AAAS: variants seen among roughly 807,000 people sequenced by gnomAD.
AAAS encodes the protein aladin.
A neutral mutation model predicts 75.6 loss-of-function variants in AAAS; 60 were observed. The ratio of observed to expected loss-of-function variants is 0.79; its 90% confidence interval spans 0.64 to 0.98. AAAS has a LOEUF of 0.98. Among genes scored for constraint, AAAS ranks in the 50% least tolerant of loss-of-function variants. The pLI is 0.00. For missense variants in AAAS, 658 were observed against 686.9 expected, an observed-to-expected ratio of 0.96 and a Z score of 0.47; for synonymous variants, 271 against 265.0, an observed-to-expected ratio of 1.02 and a Z score of -0.22.
In AAAS at chr12:53,308,984, C is replaced by T. The variant is rs1012756707; in HGVS notation, c.972G>A (p.Trp324Ter). 1.3e-5 allele frequency: 21 copies of T among 1,614,060 alleles called. No homozygotes were observed. The highest frequency in any genetic ancestry group is 1.7e-5 in the Non-Finnish European group (20 of 1,180,044). The change falls in exon 10 of 16, where the codon TGG becomes TGA. Residue 324 changes from tryptophan (W) to a stop codon, truncating the protein, a stop_gained. Transcript: ENST00000209873. LOFTEE classifies it high-confidence loss of function. ...CCTGACAGCGCCCTGATAGAGTAGG[C>T]CACCTCTCACAAGTCCACATCTGGG... is the stretch of plus-strand genomic sequence containing the variant. Reference protein sequence around the residue: ...WEAQMWTCERWPTLSGRCQTG... With the variant: ...WEAQMWTCER
At chr12:53,309,754 A>G (rs1217205677) in intron 7 of AAAS, 33 bp from the exon 8 acceptor site, 1 of 1,608,814 alleles carries the variant, frequency 6.2e-7, no homozygotes, top group Non-Finnish European at 8.5e-7. Flanking sequence ...TGGAGTCAGA[A>G]GATGACAAGA....
intron 7 of AAAS, among the ~76,000 whole-genome samples, chr12:53,313,157 T>C (rs1372202257): frequency 9.3e-4 from 4 of 4,318 alleles, no homozygotes; most frequent in African/African-American, 1.4e-3. Flanking sequence ...CGCCTGGCCT[T>C]TTTTTTTTTT....
chr12:53,307,716 G>A lies in AAAS; in HGVS notation c.1417-3C>T, dbSNP rs562815320. On this transcript the variant is annotated splice_region_variant and splice_polypyrimidine_tract_variant and intron_variant, in intron 15 of 15. Coordinates refer to ENST00000209873, the MANE Select transcript of AAAS (RefSeq NM_015665.6). ...GCAATTCGGCCTGTGGACCAGCCCTGCAGAGAAGGGAAAGAAAAGGATCAG... is the reference window on the plus strand; with the variant it reads ...GCAATTCGGCCTGTGGACCAGCCCTACAGAGAAGGGAAAGAAAAGGATCAG... The A allele has an allele frequency of 4.3e-6, 7 of 1,613,960 alleles. No homozygotes were observed. The highest frequency in any genetic ancestry group is 5.1e-6 in the Non-Finnish European group (6 of 1,180,036).
In AAAS at chr12:53,321,004, G is replaced by A. The variant is rs1446832415; in HGVS notation, c.124-312C>T. The A allele has an allele frequency of 1.7e-5, 9 of 529,584 alleles. No individual in the cohort carries two copies. In the East Asian group the frequency reaches 2.7e-4, roughly 16 times the overall value. The allele number at this position is 529,584 out of a possible 1,614,324, so 32.8% of individuals were successfully genotyped here. ...AGTTTCCCTTCCTTGTCCTTCCCAG[G>A]AACACCATGGAAAAAAGTTCCATGT... On this transcript the variant is annotated intron_variant, in intron 1 of 15. Coordinates refer to ENST00000209873, the MANE Select transcript of AAAS (RefSeq NM_015665.6).
In AAAS at chr12:53,315,422, A is replaced by C; in HGVS notation, c.312T>G (p.Phe104Leu). 1 of 1,612,924 alleles carries C rather than the reference A, an allele frequency of 6.2e-7. No homozygotes were observed. Among genetic ancestry groups the C allele is most frequent in the Non-Finnish European group, 8.5e-7 (1 of 1,179,814 alleles). The change falls in exon 4 of 16, where the codon TTT (phenylalanine) becomes TTG (leucine). Residue 104 changes from phenylalanine to leucine, a missense_variant. Phe to Leu is a conservative substitution (Grantham distance 22, BLOSUM62 0). Transcript: ENST00000209873. ...NEIANSEEEV[F>L]EWVKTASGWA... is the part of the protein sequence containing the mutation. ...AGCCGGATGCCGTCTTCACCCACTC[A>C]AACACTGTAGGGTTGAGGAAGCAGC...
chr12:53,315,575 G>A (rs1308775508), intron 3 of AAAS, 149 bp from the exon 4 acceptor site: 1 of 1,211,810 alleles, frequency 8.3e-7, no homozygotes, highest in Non-Finnish European at 1.2e-6. Flanking sequence ...ACCCACTCTG[G>A]ACACCCACTC....
intron 1 of AAAS, chr12:53,321,109 C>A: frequency 3.2e-6 from 2 of 631,168 alleles, no homozygotes; most frequent in Non-Finnish European, 5.4e-6. Flanking sequence ...CTAGATTCTC[C>A]CTCATTCTCT....
chr12:53,312,137 C>G (rs747301692), intron 7 of AAAS, among the ~76,000 whole-genome samples: 1 of 151,338 alleles, frequency 6.6e-6, no homozygotes, highest in Admixed American at 6.6e-5. Flanking sequence ...CACTTGAACC[C>G]GGGAGGCAGA....
chr12:53,321,133 G>A, intron 1 of AAAS: 2 of 699,118 alleles, frequency 2.9e-6, no homozygotes, highest in Non-Finnish European at 4.6e-6. Context: ...TTCCCTCTAG[G>A]CCTCCTCCAC....
intron 7 of AAAS, among the ~76,000 whole-genome samples, chr12:53,310,911 T>C (rs1314898517): frequency 3.9e-5 from 6 of 152,326 alleles, no homozygotes; most frequent in African/African-American, 1.4e-4. Context: ...CCTCTACAAA[T>C]GGACATTTGA....
chr12:53,312,804 T>C (rs1446681115), intron 7 of AAAS, among the ~76,000 whole-genome samples: 1 of 149,204 alleles, frequency 6.7e-6, no homozygotes, highest in African/African-American at 2.5e-5. Flanking sequence ...TATATACGTG[T>C]ATATATATGT....
intron 7 of AAAS, among the ~76,000 whole-genome samples, chr12:53,310,335 G>A (rs534308198): frequency 1.6e-4 from 24 of 152,226 alleles, no homozygotes; most frequent in Non-Finnish European, 2.5e-4. Context: ...CGAGGTGGGC[G>A]GATCACGAGG....
intron 5 of AAAS, 109 bp downstream of exon 5, chr12:53,314,985 G>C: frequency 2.7e-6 from 4 of 1,490,838 alleles, no homozygotes; most frequent in Admixed American, 3.4e-5. Context: ...GGAGGAATGA[G>C]AATATGGTGA....
intron 7 of AAAS, among the ~76,000 whole-genome samples, chr12:53,313,590 T>C (rs968786492): frequency 1.3e-5 from 2 of 149,594 alleles, no homozygotes; most frequent in Admixed American, 1.3e-4. Flanking sequence ...TGTGAGCCAC[T>C]GTTCCCAGCC....
chr12:53,320,596 C>A lies in AAAS; in HGVS notation c.220G>T (p.Glu74Ter). Residue 74 changes from glutamate to a stop codon, truncating the protein, a stop_gained, in exon 2 of 16, where the codon GAG becomes TAG. Transcript: ENST00000209873. LOFTEE classifies it high-confidence loss of function. Reference sequence around the variant, plus strand: ...TTGATGCATCTCTTCCACACTTGCTCCCGGTGATGGATGAAGGCAGTTCTT... The same window carrying A: ...TTGATGCATCTCTTCCACACTTGCTACCGGTGATGGATGAAGGCAGTTCTT... ...GTRTAFIHHR[E>*]QVWKRCINIW... 1 of 1,614,010 alleles carries A rather than the reference C, an allele frequency of 6.2e-7. No homozygotes were observed. Among genetic ancestry groups the A allele is most frequent in the Non-Finnish European group, 8.5e-7 (1 of 1,179,978 alleles).
Position 53,315,773 on chromosome 12 carries a change from C to G in AAAS, c.261G>C (p.Val87=), listed in dbSNP as rs1944452645. 6.2e-7 allele frequency: 1 copy of G among 1,613,742 alleles called. No individual in the cohort carries two copies. Among genetic ancestry groups the G allele is most frequent in the African/African-American group, 1.3e-5 (1 of 74,900 alleles). The change falls in exon 3 of 16, where the codon GTG becomes GTC. Residue 87 remains valine, a synonymous_variant. Transcript: ENST00000209873. ...WKRCINIWRD[V]GLFGVLNEIA... ...TTTCATTTAGCACCCCAAAAAGGCC[C>G]ACATCACGCCTGATAAGGGAGGAAA...
Position 53,308,489 on chromosome 12 carries a change from G to A in AAAS, c.1127C>T (p.Thr376Met), listed in dbSNP as rs147914361. Reference sequence around the variant, plus strand: ...TGTCTCAGACAGATCTGCCACAATCGTTGCTGACTTTGCACCTCCAACGCA... The same window carrying A: ...TGTCTCAGACAGATCTGCCACAATCATTGCTGACTTTGCACCTCCAACGCA... ...KGCVGGAKSA[T>M]IVADLSETTI... Residue 376 changes from threonine (T) to methionine (M), a missense_variant, in exon 12 of 16, where the codon ACG becomes ATG. Transcript: ENST00000209873. 2.5e-6 allele frequency: 4 copies of A among 1,614,146 alleles called. No individual in the cohort carries two copies. Among genetic ancestry groups the A allele is most frequent in the East Asian group, 2.2e-5 (1 of 44,884 alleles).
At position 53,321,441 on chromosome 12, in the gene AAAS, G is replaced by A. The variant is rs775093423; in HGVS notation, c.25C>T (p.Pro9Ser). Residue 9 changes from proline (P) to serine (S), a missense_variant, in exon 1 of 16, where the codon CCT (proline) becomes TCT (serine). Pro to Ser is a moderately conservative substitution (Grantham distance 74). Coordinates refer to ENST00000209873, the MANE Select transcript of AAAS (RefSeq NM_015665.6). MCSLGLFP[P>S]PPPRGQVTLY... ...GTGACTTGACCCCGAGGCGGTGGAG[G>A]AGGGAACAACCCCAGAGAGCACATC... 7 of 1,614,232 alleles carry A rather than the reference G, an allele frequency of 4.3e-6. No individual in the cohort carries two copies. Among genetic ancestry groups the A allele is most frequent in the East Asian group, 2.2e-5 (1 of 44,886 alleles).
intron 7 of AAAS, among the ~76,000 whole-genome samples, chr12:53,312,862 ATTT>A (rs34960645): frequency 2.2e-5 from 3 of 135,218 alleles, no homozygotes; most frequent in Admixed American, 1.5e-4. Flanking sequence ...ATATATATAT[ATTT>A]TTTTTTTTTG....
Sources: allele counts gnomAD v4.1 joint callset (sites outside exome capture counted in the v4.1 genomes callset), GRCh38; gene constraint gnomAD v4.1.1; transcripts MANE v1.5; gene names NCBI Gene and HGNC (gene_info 2026-07-23, HGNC 2026-07-21).